SETBP1: variants seen among roughly 807,000 people sequenced by gnomAD.
SETBP1 encodes the protein SET-binding protein.
In SETBP1, 9 loss-of-function variants were observed where a neutral mutation model predicts 101.0. The ratio of observed to expected loss-of-function variants is 0.09; its 90% CI spans 0.05 to 0.16. The LOEUF is 0.16. Among genes scored for constraint, SETBP1 ranks in the 10% least tolerant of loss-of-function variants. The pLI is 1.00. For missense variants in SETBP1, 1,858 were observed against 2,033.8 expected (o/e 0.91, Z 1.66); for synonymous variants, 818 against 788.5 (o/e 1.04, Z -0.63).
chr18:44,979,366 T>C (rs1246928575), intron 4 of SETBP1, among the ~76,000 whole-genome samples: 1 of 152,248 alleles, frequency 6.6e-6, no homozygotes, highest in Admixed American at 6.5e-5. Context: ...GGAGCTGCCT[T>C]ACTGTAATGA....
intron 1 of SETBP1, among the ~76,000 whole-genome samples, chr18:44,698,892 G>A (rs1041299815): frequency 6.6e-6 from 1 of 151,680 alleles, no homozygotes; most frequent in African/African-American, 2.4e-5. Flanking sequence ...TGAATTTTAA[G>A]TTTCAGAACT....
intron 3 of SETBP1, among the ~76,000 whole-genome samples, chr18:44,882,989 C>T (rs1297939457): frequency 8.5e-5 from 13 of 152,148 alleles, no homozygotes; most frequent in Admixed American, 8.5e-4. Flanking sequence ...GAAAGACTCT[C>T]AGAAATCATG....
chr18:44,869,810 A>G (rs75087140), intron 3 of SETBP1: 92 of 203,086 alleles, frequency 4.5e-4, no homozygotes, highest in African/African-American at 2.1e-3. Context: ...GGAGGTTACT[A>G]TGGGCAAACT....
At chr18:44,839,451 G>A (rs955862611) in intron 2 of SETBP1, among the ~76,000 whole-genome samples, 4 of 144,264 alleles carry the variant, frequency 2.8e-5, no homozygotes, top group African/African-American at 1.1e-4. Flanking sequence ...CCCTTAGCCC[G>A]CACTGGCTCT....
chr18:44,792,860 GAA>G (rs369042925), intron 2 of SETBP1, among the ~76,000 whole-genome samples: 1 of 144,196 alleles, frequency 6.9e-6, no homozygotes. Context: ...TAATCTAGGA[GAA>G]AAAAAAAAAA....
At chr18:44,769,092 G>A (rs1177124038) in intron 2 of SETBP1, among the ~76,000 whole-genome samples, 3 of 152,210 alleles carry the variant, frequency 2.0e-5, no homozygotes, top group Non-Finnish European at 4.4e-5. Context: ...GAACCAAGGA[G>A]GCTGGAGAGG....
At chr18:44,979,524 C>T (rs776722001) in intron 4 of SETBP1, among the ~76,000 whole-genome samples, 1 of 152,126 alleles carries the variant, frequency 6.6e-6, no homozygotes, top group African/African-American at 2.4e-5. Context: ...AAGCTTGGCT[C>T]ATGAAAGTGA....
intron 5 of SETBP1, among the ~76,000 whole-genome samples, chr18:45,044,244 A>T (rs3861813): frequency 0.43 from 65,201 of 152,072 alleles, 14,617 homozygotes; most frequent in African/African-American, 0.56. Flanking sequence ...CCCAGTCTAA[A>T]CACTTAAAAT....
At chr18:44,808,396 A>G (rs2071792579) in intron 2 of SETBP1, among the ~76,000 whole-genome samples, 1 of 152,150 alleles carries the variant, frequency 6.6e-6, no homozygotes, top group Non-Finnish European at 1.5e-5. Flanking sequence ...GACATTTACC[A>G]TTTACCAATT....
At chr18:45,038,695 G>T (rs1400766771) in intron 5 of SETBP1, 40 bp downstream of exon 5, 14 of 1,606,494 alleles carry the variant, frequency 8.7e-6, no homozygotes, top group Non-Finnish European at 1.2e-5. Flanking sequence ...CCCCAAGCAA[G>T]ATGAATGTGG....
chr18:44,682,798 G>A (rs1169696551), intron 1 of SETBP1, among the ~76,000 whole-genome samples: 1 of 152,142 alleles, frequency 6.6e-6, no homozygotes, highest in African/African-American at 2.4e-5. Context: ...CCCGTTAAGG[G>A]GACAAAACCA....
chr18:45,029,608 G>A (rs1290030616), intron 4 of SETBP1, among the ~76,000 whole-genome samples: 1 of 152,106 alleles, frequency 6.6e-6, no homozygotes, highest in Non-Finnish European at 1.5e-5. Context: ...TGGGCAGTAT[G>A]GCCATTTTCA....
intron 2 of SETBP1, among the ~76,000 whole-genome samples, chr18:44,862,576 T>G (rs951230120): frequency 1.3e-5 from 2 of 152,210 alleles, no homozygotes; most frequent in African/African-American, 4.8e-5. Flanking sequence ...GGAAGATTGT[T>G]TACTGTTAGC....
intron 2 of SETBP1, among the ~76,000 whole-genome samples, chr18:44,762,515 C>G (rs1413087254): frequency 6.6e-6 from 1 of 152,148 alleles, no homozygotes; most frequent in African/African-American, 2.4e-5. Flanking sequence ...AGCAGATAAC[C>G]ATTGACTTGT....
At position 45,063,598 on chromosome 18, in the gene SETBP1, C is replaced by T. The variant is rs763165685; in HGVS notation, c.4691C>T (p.Pro1564Leu). 8.2e-6 allele frequency: 13 copies of T among 1,591,494 alleles called. No homozygotes were observed. Among genetic ancestry groups the T allele is most frequent in the South Asian group, 3.4e-5 (3 of 88,212 alleles). ...KHKPQAPAQPPQQSPPQQPLP... is the reference protein window; with the variant it reads ...KHKPQAPAQPLQQSPPQQPLP... ...AAACCGCAGGCCCCCGCTCAGCCCC[C>T]ACAGCAGTCGCCCCCGCAGCAGCCC... Residue 1564 changes from proline to leucine, a missense_variant, in exon 6 of 6, where the codon CCA becomes CTA. Physicochemically the swap from Pro to Leu is moderately conservative, Grantham distance 98. Transcript: ENST00000649279.
chr18:44,774,686 C>G (rs893983025), intron 2 of SETBP1, among the ~76,000 whole-genome samples: 1 of 152,130 alleles, frequency 6.6e-6, no homozygotes, highest in African/African-American at 2.4e-5. Flanking sequence ...TCTAACTCTT[C>G]TACAGACACT....
At chr18:44,893,902 A>T (rs527968987) in intron 3 of SETBP1, among the ~76,000 whole-genome samples, 45 of 152,118 alleles carry the variant, frequency 3.0e-4, no homozygotes, top group Non-Finnish European at 5.0e-4. Flanking sequence ...ACAGTTTGAG[A>T]GTTGCTGCCT....
intron 2 of SETBP1, among the ~76,000 whole-genome samples, chr18:44,760,841 G>C (rs1489531800): frequency 1.3e-5 from 2 of 151,872 alleles, no homozygotes; most frequent in Admixed American, 6.6e-5. Context: ...TCTTCAGTTT[G>C]AGAAATAAAG....
chr18:45,049,902 C>T (rs549944077), intron 5 of SETBP1, among the ~76,000 whole-genome samples: 1 of 151,956 alleles, frequency 6.6e-6, no homozygotes, highest in Middle Eastern at 3.4e-3. Context: ...ATGAGGAAAC[C>T]CAGGTTTTAT....
Sources: allele counts gnomAD v4.1 joint callset (sites outside exome capture counted in the v4.1 genomes callset), GRCh38; gene constraint gnomAD v4.1.1; transcripts MANE v1.5; gene names NCBI Gene and HGNC (gene_info 2026-07-23, HGNC 2026-07-21).